The following KCTD1 variants were observed in gnomAD, a reference collection of about 807,000 sequenced individuals.
KCTD1 encodes the protein BTB/POZ domain-containing protein KCTD1.
A neutral mutation model predicts 66.0 loss-of-function variants in KCTD1; 24 were observed. The ratio of observed to expected loss-of-function variants is 0.36; its 90% CI spans 0.26 to 0.51. KCTD1 has a LOEUF of 0.51. KCTD1 is among the 20% of genes least tolerant of loss of function. KCTD1 has a pLI of 0.95. For missense variants in KCTD1, 943 were observed against 1,205.2 expected (o/e 0.78, Z 3.22); for synonymous variants, 511 against 517.2 (o/e 0.99, Z 0.16).
intron 1 of KCTD1, chr18:26,566,307 A>G (rs75016935): frequency 0.044 from 6,675 of 152,354 alleles, 186 homozygotes; most frequent in Middle Eastern, 0.071. Context: ...GGTAGGGAGT[A>G]GGAAAGTCAG....
At chr18:26,560,953 G>T (rs1436160126) in intron 1 of KCTD1, among the ~76,000 whole-genome samples, 1 of 152,276 alleles carries the variant, frequency 6.6e-6, no homozygotes, top group African/African-American at 2.4e-5. Flanking sequence ...ATGTACAAGG[G>T]TGCTCTTGAA....
intron 2 of KCTD1, among the ~76,000 whole-genome samples, chr18:26,493,485 T>C (rs945286511): frequency 6.6e-6 from 1 of 152,198 alleles, no homozygotes; most frequent in African/African-American, 2.4e-5. Context: ...ATTTATCATG[T>C]GTGTTCTTTT....
chr18:26,543,727 A>G (rs573041982), intron 1 of KCTD1: 2 of 152,250 alleles, frequency 1.3e-5, no homozygotes, highest in Non-Finnish European at 2.9e-5. Context: ...GAATTCCTTA[A>G]AAGTATTTCT....
In KCTD1 at chr18:26,548,474, G is replaced by T; in HGVS notation, c.63C>A (p.Ala21=). 2 of 1,254,756 alleles carry T rather than the reference G, an allele frequency of 1.6e-6. No homozygotes were observed. Among genetic ancestry groups the T allele is most frequent in the Non-Finnish European group, 2.0e-6 (2 of 1,007,394 alleles). 77.7% of individuals were successfully genotyped at this position (1,254,756 alleles called of 1,614,324 possible). Residue 21 remains alanine (A), a synonymous_variant, in exon 1 of 5, where the codon GCC becomes GCA. Transcript: ENST00000580059. ...CCCCATTGTTCTCGGCGGCGGCGGC[G>T]GCAGCGCTGGCGCTGCCGCCCGCGC... ...NTSAGGSASA[A]AAAAENNGER... is the part of the protein sequence containing the mutation.
chr18:26,650,163 G>A (rs1456989305), intron 1 of KCTD1, among the ~76,000 whole-genome samples: 2 of 152,204 alleles, frequency 1.3e-5, no homozygotes, highest in Non-Finnish European at 2.9e-5. Context: ...AATTTGATCT[G>A]TTCCCAAATG....
intron 1 of KCTD1, among the ~76,000 whole-genome samples, chr18:26,531,148 TA>T (rs1191514746): frequency 2.0e-5 from 3 of 152,144 alleles, no homozygotes; most frequent in Non-Finnish European, 4.4e-5. Flanking sequence ...ATATAACCAT[TA>T]TTTTTTTGAA....
upstream of KCTD1, chr18:26,549,645 G>C (rs2074459489): frequency 1.1e-6 from 1 of 918,910 alleles, no homozygotes; most frequent in Admixed American, 6.2e-5. Flanking sequence ...AGGCCCATCG[G>C]GCAGGCGGAA....
rs1458778056 is a variant in KCTD1 at position 26,468,978 on chromosome 18, C to G, written c.2133+7537G>C. Among the ~76,000 whole-genome samples the G allele has an allele frequency of 1.3e-5, 2 of 152,182 alleles. No individual in the cohort carries two copies. The highest frequency in any genetic ancestry group is 2.9e-5 in the Non-Finnish European group (2 of 68,040). ...CTCCTATGTGTACCTGTATTTGTGA[C>G]TCCTGTAAACTGCACTGCTCCTGCT... On this transcript the variant is annotated intron_variant, in intron 3 of 4. Transcript: ENST00000580059. This position sits in a 1 kb window ranked among gnomAD's most constrained non-coding sequence, Gnocchi z 4.8.
At chr18:26,610,597 G>A (rs2438420) in intron 1 of KCTD1, among the ~76,000 whole-genome samples, 6 of 146,900 alleles carry the variant, frequency 4.1e-5, no homozygotes, top group Admixed American at 6.9e-5. Context: ...GAGAAAGAAA[G>A]GAAGGAAGGA....
rs1227393031 is a variant in KCTD1, at chr18:26,602,550, G to A, written c.-16+26597C>T. On this transcript the variant is annotated intron_variant, in intron 1 of 4. Coordinates refer to the KCTD1 transcript ENST00000317932. ...CAAGCAAATGGTATAAAATACCAGA[G>A]ATTCAAAAGTGTTTTTAGTATCAGA... is the stretch of plus-strand genomic sequence containing the variant. Among the ~76,000 whole-genome samples, 4 of 152,144 alleles carry A rather than the reference G, an allele frequency of 2.6e-5. No individual in the cohort carries two copies. The East Asian group carries it at 7.7e-4, about 29-fold the overall frequency.
intron 2 of KCTD1, among the ~76,000 whole-genome samples, chr18:26,479,425 A>G (rs1401517579): frequency 6.6e-6 from 1 of 152,246 alleles, no homozygotes; most frequent in Non-Finnish European, 1.5e-5. Flanking sequence ...ACCCCCCGCC[A>G]GGCCGTGGGA....
intron 1 of KCTD1, among the ~76,000 whole-genome samples, chr18:26,540,013 G>T (rs1400087621): frequency 6.6e-6 from 1 of 152,098 alleles, no homozygotes; most frequent in Non-Finnish European, 1.5e-5. Context: ...TAACTAGTTT[G>T]GTCCCTGGCA....
chr18:26,606,858 G>C (rs943343709), intron 1 of KCTD1, among the ~76,000 whole-genome samples: 1 of 152,200 alleles, frequency 6.6e-6, no homozygotes, highest in African/African-American at 2.4e-5. Context: ...ATTCACTATG[G>C]AATTAGATCA....
chr18:26,634,349 A>C (rs1181310594), intron 1 of KCTD1, among the ~76,000 whole-genome samples: 1 of 152,240 alleles, frequency 6.6e-6, no homozygotes, highest in Non-Finnish European at 1.5e-5. Context: ...AAAAGCATTT[A>C]TGATATAATC....
chr18:26,534,017 TAAAA>T (rs1437098829), intron 1 of KCTD1, among the ~76,000 whole-genome samples: 2 of 152,102 alleles, frequency 1.3e-5, no homozygotes, highest in African/African-American at 4.8e-5. Flanking sequence ...AAATTATAAA[TAAAA>T]AGTGACTGAT....
At chr18:26,621,681 T>C (rs1485757690) in intron 1 of KCTD1, among the ~76,000 whole-genome samples, 2 of 152,346 alleles carry the variant, frequency 1.3e-5, no homozygotes, top group South Asian at 4.1e-4. Flanking sequence ...TCTTTGCTAA[T>C]GGTATTCTTT....
chr18:26,479,128 A>G (rs1414767290), intron 2 of KCTD1, among the ~76,000 whole-genome samples: 1 of 152,258 alleles, frequency 6.6e-6, no homozygotes, highest in Non-Finnish European at 1.5e-5. Flanking sequence ...AAAGCTGCAA[A>G]GAGAAGAGCA....
In KCTD1 at chr18:26,547,330, T is replaced by G. The variant is rs1234158485; in HGVS notation, c.1207A>C (p.Lys403Gln). ...KYLSKRNPLC[K>Q]AFFQRPRDHC... ...TCCCGGGGCCGCTGGAAGAACGCCT[T>G]GCAGAGAGGGTTGCGTTTCGACAGG... The change falls in exon 1 of 5, where the codon AAG becomes CAG. Residue 403 changes from lysine (K) to glutamine (Q), a missense_variant. Physicochemically the swap from Lys to Gln is moderately conservative, Grantham distance 53 (BLOSUM62 1). This residue lies in a region of KCTD1 where 79 missense variants were observed against 133.9 expected (regional missense o/e 0.59). Transcript: ENST00000580059. The G allele has an allele frequency of 8.4e-6, 13 of 1,551,576 alleles. No individual in the cohort carries two copies. Among genetic ancestry groups the G allele is most frequent in the Non-Finnish European group, 4.4e-6 (5 of 1,146,918 alleles).
intron 1 of KCTD1, among the ~76,000 whole-genome samples, chr18:26,625,071 C>T (rs1007765011): frequency 4.6e-5 from 7 of 152,148 alleles, no homozygotes; most frequent in Admixed American, 3.9e-4. Flanking sequence ...CCAATTTGAA[C>T]AGGTTTTTCC....
Sources: allele counts gnomAD v4.1 joint callset (sites outside exome capture counted in the v4.1 genomes callset), GRCh38; gene constraint gnomAD v4.1.1; regional missense constraint gnomAD v4.1.1; non-coding constraint Gnocchi (gnomAD v3.1); transcripts MANE v1.5; gene names NCBI Gene and HGNC (gene_info 2026-07-23, HGNC 2026-07-21).